The following SGCZ variants were observed in gnomAD, a reference collection of about 807,000 sequenced individuals.
SGCZ encodes sarcoglycan zeta, also known as zeta-sarcoglycan.
In SGCZ, 40 loss-of-function variants were observed where a neutral mutation model predicts 41.3. The ratio of observed to expected loss-of-function variants is 0.97; its 90% CI spans 0.75 to 1.26. The LOEUF is 1.26. Ranked by LOEUF, SGCZ falls within the 50% of genes most tolerant of loss-of-function variation. The probability of loss-of-function intolerance (pLI) is 0.00; values close to 1 mark genes in which losing one functional copy is unlikely to be tolerated. For synonymous variants in SGCZ, 206 were observed against 137.5 expected (o/e 1.50, Z -3.49); for missense variants, 552 against 369.8 (o/e 1.49, Z -4.04).
chr8:14,693,968 G>A (rs974610229), intron 1 of SGCZ, among the ~76,000 whole-genome samples: 4 of 152,220 alleles, frequency 2.6e-5, no homozygotes, highest in African/African-American at 9.6e-5. Flanking sequence ...GAGCAGTTAT[G>A]ACCAAGTTTC....
At chr8:14,992,393 C>T (rs1253461778) in intron 1 of SGCZ, among the ~76,000 whole-genome samples, 3 of 149,152 alleles carry the variant, frequency 2.0e-5, no homozygotes, top group African/African-American at 5.0e-5. Flanking sequence ...ATTTACCTCT[C>T]ACCCTCAACT....
At chr8:14,119,963 G>A (rs997488859) in intron 5 of SGCZ, among the ~76,000 whole-genome samples, 1 of 152,046 alleles carries the variant, frequency 6.6e-6, no homozygotes, top group Non-Finnish European at 1.5e-5. Flanking sequence ...ATTCAGTTTG[G>A]TAGTATTTTT....
intron 1 of SGCZ, among the ~76,000 whole-genome samples, chr8:14,628,935 T>C (rs1402724966): frequency 6.6e-6 from 1 of 152,188 alleles, no homozygotes; most frequent in Non-Finnish European, 1.5e-5. Context: ...GTACTTTTGC[T>C]GTTGTGATTC....
intron 1 of SGCZ, among the ~76,000 whole-genome samples, chr8:15,150,858 G>C (rs917158864): frequency 3.9e-5 from 6 of 152,150 alleles, no homozygotes; most frequent in Non-Finnish European, 8.8e-5. Flanking sequence ...GCTGACTAAA[G>C]TCTGGTGGGT....
At chr8:14,230,311 A>T (rs1806516119) in intron 4 of SGCZ, among the ~76,000 whole-genome samples, 1 of 152,274 alleles carries the variant, frequency 6.6e-6, no homozygotes, top group Admixed American at 6.5e-5. Context: ...AGAGTAGTAC[A>T]CATGCAGTGT....
intron 1 of SGCZ, among the ~76,000 whole-genome samples, chr8:14,557,160 T>G (rs1804058060): frequency 6.6e-6 from 1 of 152,240 alleles, no homozygotes; most frequent in Non-Finnish European, 1.5e-5. Flanking sequence ...ATTGTGGTTT[T>G]TATATGCATT....
At chr8:14,806,721 A>G (rs1801542827) in intron 1 of SGCZ, among the ~76,000 whole-genome samples, 1 of 152,220 alleles carries the variant, frequency 6.6e-6, no homozygotes, top group South Asian at 2.1e-4. Context: ...CTCCTCCCTA[A>G]CTCATTTTAG....
At chr8:14,144,635 G>T (rs1803468150) in intron 5 of SGCZ, among the ~76,000 whole-genome samples, 1 of 152,196 alleles carries the variant, frequency 6.6e-6, no homozygotes, top group African/African-American at 2.4e-5. Flanking sequence ...TGTATCTTAA[G>T]TATCAGCATT....
At chr8:14,939,028 C>A (rs996908498) in intron 1 of SGCZ, among the ~76,000 whole-genome samples, 3 of 152,104 alleles carry the variant, frequency 2.0e-5, no homozygotes, top group South Asian at 4.1e-4. Flanking sequence ...ACAGCAGCTA[C>A]TCCATGGAGT....
At chr8:14,833,030 T>C (rs1015940234) in intron 1 of SGCZ, among the ~76,000 whole-genome samples, 6 of 152,122 alleles carry the variant, frequency 3.9e-5, no homozygotes, top group African/African-American at 1.2e-4. Flanking sequence ...AAATGCTTAA[T>C]CTGTTTTTCT....
intron 3 of SGCZ, among the ~76,000 whole-genome samples, chr8:14,271,520 T>G (rs916164894): frequency 2.6e-4 from 40 of 152,352 alleles, no homozygotes; most frequent in African/African-American, 8.9e-4. Context: ...GCTGCTTCAC[T>G]GGAGGTGGGT....
chr8:14,808,484 G>C (rs200702032), intron 1 of SGCZ, among the ~76,000 whole-genome samples: 1 of 151,536 alleles, frequency 6.6e-6, no homozygotes. Context: ...ATGAAAAAAT[G>C]ATCATCACTG....
intron 5 of SGCZ, among the ~76,000 whole-genome samples, chr8:14,138,961 TGTAAAA>T (rs917127136): frequency 7.9e-5 from 12 of 152,082 alleles, no homozygotes; most frequent in African/African-American, 2.9e-4. Flanking sequence ...CCTCAGCAAA[TGTAAAA>T]GAACAGAAAT....
intron 2 of SGCZ, among the ~76,000 whole-genome samples, chr8:14,549,940 T>C (rs1351261161): frequency 6.6e-6 from 1 of 151,956 alleles, no homozygotes; most frequent in Non-Finnish European, 1.5e-5. Flanking sequence ...CAAAAGAAAC[T>C]CCTACAGGTT....
At chr8:14,803,316 C>G (rs974443740) in intron 1 of SGCZ, among the ~76,000 whole-genome samples, 1 of 152,074 alleles carries the variant, frequency 6.6e-6, no homozygotes, top group East Asian at 2.0e-4. Context: ...ATCTGAGGTA[C>G]CGGATTCATC....
At chr8:14,355,287 A>C (rs1803253733) in intron 2 of SGCZ, among the ~76,000 whole-genome samples, 1 of 152,096 alleles carries the variant, frequency 6.6e-6, no homozygotes, top group African/African-American at 2.4e-5. Flanking sequence ...TTGTATTTAA[A>C]AACTCAAAGT....
chr8:15,071,415 C>T (rs563768330), intron 1 of SGCZ, among the ~76,000 whole-genome samples: 2 of 152,242 alleles, frequency 1.3e-5, no homozygotes, highest in South Asian at 4.1e-4. Context: ...CTATGTTCTA[C>T]TCACAAGTCT....
chr8:14,885,252 A>T (rs1320675104), intron 1 of SGCZ, among the ~76,000 whole-genome samples: 1 of 152,128 alleles, frequency 6.6e-6, no homozygotes, highest in Non-Finnish European at 1.5e-5. Flanking sequence ...TTTACCTAGC[A>T]TTGTATTCTC....
chr8:15,066,446 T>G (rs1339693369), intron 1 of SGCZ, among the ~76,000 whole-genome samples: 1 of 152,192 alleles, frequency 6.6e-6, no homozygotes, highest in African/African-American at 2.4e-5. Context: ...TTCTAATGTT[T>G]TATTTTTAAA....
Sources: gnomAD v4.1 joint callset for allele counts (sites outside exome capture counted in the v4.1 genomes callset) on GRCh38, gnomAD v4.1.1 for gene constraint, MANE v1.5 for transcripts, NCBI Gene and HGNC (gene_info 2026-07-23, HGNC 2026-07-21) for gene names.